Variants in STK24 observed in about 807,000 individuals in gnomAD.
STK24 encodes the protein serine/threonine-protein kinase 24.
In STK24, 21 loss-of-function variants were observed where a neutral mutation model predicts 55.6. The observed-to-expected ratio is 0.38, with a 90% CI of 0.27 to 0.54. The LOEUF (loss-of-function observed/expected upper bound fraction) is 0.54, where lower values mean the gene tolerates loss of function less well. Ranked by LOEUF, STK24 falls within the 20% of genes least tolerant of loss-of-function variation. The pLI, the probability that STK24 is intolerant of heterozygous loss-of-function variation, is 0.79. For synonymous variants in STK24, 200 were observed against 215.2 expected (o/e 0.93, Z 0.62); for missense variants, 383 against 538.4 (o/e 0.71, Z 2.86).
intron 1 of STK24, among the ~76,000 whole-genome samples, chr13:98,556,151 G>A (rs9513447): frequency 0.17 from 25,323 of 152,164 alleles, 2,178 homozygotes; most frequent in African/African-American, 0.18. Context: ...ATTGTCAGTC[G>A]CATGGCCTGG....
intron 1 of STK24, among the ~76,000 whole-genome samples, chr13:98,555,678 T>G (rs560850060): frequency 6.8e-6 from 1 of 147,956 alleles, no homozygotes; most frequent in African/African-American, 2.5e-5. Context: ...TCAGCCTCCC[T>G]GTCTTTTTTT....
rs55720452 is a variant in STK24, at chr13:98,538,222, C to CTTTTT, written c.43-18754_43-18750dup. 6.1e-3 allele frequency among the ~76,000 whole-genome samples: 559 copies of CTTTTT among 91,602 alleles called. 23 individuals carry two copies. Among genetic ancestry groups the CTTTTT allele is most frequent in the Middle Eastern group, 0.016 (2 of 122 alleles). 60.1% of individuals were successfully genotyped at this position (91,602 alleles called of 152,430 possible). On this transcript the variant is annotated intron_variant, in intron 1 of 10. Transcript: ENST00000539966. ...AGGTCAATCACTGCTTTGGTGCTTG[C>CTTTTT]TTTTTTTTTTTTTTTTTTTTTGAGA...
chr13:98,489,634 A>C (rs2139319413), intron 2 of STK24, among the ~76,000 whole-genome samples: 1 of 152,320 alleles, frequency 6.6e-6, no homozygotes, highest in East Asian at 1.9e-4. Context: ...AGGTCCGTCT[A>C]ACCTCCAGGA....
At chr13:98,461,671 C>T in intron 8 of STK24, 103 bp downstream of exon 8, 1 of 1,519,196 alleles carries the variant, frequency 6.6e-7, no homozygotes, top group South Asian at 1.2e-5. Flanking sequence ...GGACAGCTGC[C>T]ACAAAGGACC....
At chr13:98,488,486 T>A (rs1343625945) in intron 2 of STK24, among the ~76,000 whole-genome samples, 1 of 152,248 alleles carries the variant, frequency 6.6e-6, no homozygotes. Flanking sequence ...TTTTCTTTCC[T>A]GTGAGCTGTG....
At chr13:98,477,305 G>C (rs1424500622) in intron 3 of STK24, among the ~76,000 whole-genome samples, 4 of 152,186 alleles carry the variant, frequency 2.6e-5, no homozygotes, top group Non-Finnish European at 4.4e-5. Context: ...TGGGGAGGAG[G>C]ATAGAGATGC....
intron 2 of STK24, among the ~76,000 whole-genome samples, chr13:98,514,024 C>T (rs1022480349): frequency 6.6e-6 from 1 of 152,226 alleles, no homozygotes; most frequent in Non-Finnish European, 1.5e-5. Flanking sequence ...AGGATACATT[C>T]ATCATCATGT....
chr13:98,494,395 C>T (rs1349678829), intron 2 of STK24, among the ~76,000 whole-genome samples: 2 of 66,570 alleles, frequency 3.0e-5, no homozygotes, highest in African/African-American at 9.4e-5. Context: ...GCCTGGGTGA[C>T]AGAGCCAGAC....
chr13:98,555,030 AAAAAG>A lies in STK24; in HGVS notation c.42+21710_42+21714del, dbSNP rs1212422745. Among the ~76,000 whole-genome samples, 36 of 151,216 alleles carry A rather than the reference AAAAAG, an allele frequency of 2.4e-4. 1 individual carries two copies. The highest frequency in any genetic ancestry group is 3.2e-3 in the Middle Eastern group (1 of 316). On this transcript the variant is annotated intron_variant, in intron 1 of 10. Transcript: ENST00000539966. ...ACTCCAACTCAAAAAAAAAAAAAAAAAAAAGAAAGAAAAAATAGTTTAAGAACATG... is the reference window on the plus strand; with the variant it reads ...ACTCCAACTCAAAAAAAAAAAAAAAAAAAGAAAAAATAGTTTAAGAACATG...
intron 1 of STK24, among the ~76,000 whole-genome samples, chr13:98,548,211 G>A (rs1897074654): frequency 1.3e-5 from 2 of 152,268 alleles, no homozygotes; most frequent in African/African-American, 4.8e-5. Flanking sequence ...CTAAAAATAA[G>A]ATGTTTTCTT....
At chr13:98,529,011 C>G (rs1295206440) in intron 1 of STK24, among the ~76,000 whole-genome samples, 4 of 152,114 alleles carry the variant, frequency 2.6e-5, no homozygotes, top group African/African-American at 7.2e-5. Flanking sequence ...TAGAGCTGAA[C>G]CGAGCCTCAG....
rs185379522 is a variant in STK24, at chr13:98,491,339, G to A, written c.274-9018C>T. On this transcript the variant is annotated intron_variant, in intron 2 of 10. Coordinates refer to ENST00000539966, the MANE Select transcript of STK24 (RefSeq NM_001032296.4). ...GATTAGGAAAAGGAGCGGGGAGGGA[G>A]ACCCCAGGCTTCGCTCTTCCAGAGG... Among the ~76,000 whole-genome samples the A allele has an allele frequency of 7.2e-5, 11 of 152,326 alleles. No homozygotes were observed. The East Asian group carries it at 1.7e-3, about 24-fold the overall frequency.
At chr13:98,560,605 G>A (rs147886954) in intron 1 of STK24, among the ~76,000 whole-genome samples, 1,727 of 152,186 alleles carry the variant, frequency 0.011, 26 homozygotes, top group African/African-American at 0.038. Flanking sequence ...CTGGCCAGGC[G>A]CGGTGGCTCA....
At chr13:98,569,072 A>G (rs1897666148) in intron 1 of STK24, among the ~76,000 whole-genome samples, 1 of 152,182 alleles carries the variant, frequency 6.6e-6, no homozygotes, top group African/African-American at 2.4e-5. Context: ...CCCCACTCCA[A>G]GCCACATCAT....
chr13:98,526,377 G>A (rs1372722707), intron 1 of STK24, among the ~76,000 whole-genome samples: 2 of 152,202 alleles, frequency 1.3e-5, no homozygotes, highest in African/African-American at 4.8e-5. Flanking sequence ...TCTGGGTCAG[G>A]AGCTTTACAT....
intron 2 of STK24, among the ~76,000 whole-genome samples, chr13:98,518,613 G>A (rs995404675): frequency 2.0e-5 from 3 of 152,190 alleles, no homozygotes; most frequent in Admixed American, 1.3e-4. Context: ...ATTGTTCTAC[G>A]ATGTCTAAAA....
rs570579924 is a variant in STK24 at position 98,522,058 on chromosome 13, C to T, written c.43-2585G>A. Reference sequence around the variant, plus strand: ...CCCTTCAAAGTCATCTGGACCTGCCCGGTCCTCCCCACCACTGCAGCCTGG... The same window carrying T: ...CCCTTCAAAGTCATCTGGACCTGCCTGGTCCTCCCCACCACTGCAGCCTGG... On this transcript the variant is annotated intron_variant, in intron 1 of 10. Coordinates refer to ENST00000539966, the MANE Select transcript of STK24 (RefSeq NM_001032296.4). 2.5e-3 allele frequency: 3,483 copies of T among 1,388,792 alleles called. 8 individuals carry two copies. Among genetic ancestry groups the T allele is most frequent in the Middle Eastern group, 4.6e-3 (22 of 4,764 alleles). The allele number at this position is 1,388,792 out of a possible 1,614,324, so 86.0% of individuals were successfully genotyped here.
At chr13:98,482,657 C>T (rs1894639978) in intron 2 of STK24, among the ~76,000 whole-genome samples, 2 of 152,206 alleles carry the variant, frequency 1.3e-5, no homozygotes, top group South Asian at 4.1e-4. Flanking sequence ...GATCCTCAGG[C>T]ACAGTGAGAG....
At chr13:98,525,771 C>T (rs984635487) in intron 1 of STK24, among the ~76,000 whole-genome samples, 54 of 152,302 alleles carry the variant, frequency 3.5e-4, no homozygotes, top group African/African-American at 1.3e-3. Context: ...GATAAAAAGA[C>T]AATGATAAAT....
Sources: gnomAD v4.1 joint callset for allele counts (sites outside exome capture counted in the v4.1 genomes callset) on GRCh38, gnomAD v4.1.1 for gene constraint, MANE v1.5 for transcripts, NCBI Gene and HGNC (gene_info 2026-07-23, HGNC 2026-07-21) for gene names.